Variants in ZC3HC1 observed in about 807,000 individuals in gnomAD.
ZC3HC1 encodes zinc finger C3HC-type protein 1.
ZC3HC1 carries 38 observed loss-of-function variants against 61.9 expected under a neutral mutation model. The observed-to-expected ratio is 0.61, with a 90% CI of 0.47 to 0.81. The LOEUF (loss-of-function observed/expected upper bound fraction) is 0.81, where lower values mean the gene tolerates loss of function less well. ZC3HC1 is among the 30% of genes least tolerant of loss of function. The pLI, the probability that ZC3HC1 is intolerant of heterozygous loss-of-function variation, is 0.00. For synonymous variants in ZC3HC1, 213 were observed against 229.9 expected, an observed-to-expected ratio of 0.93 and a Z score of 0.67; for missense variants, 554 against 622.7, an observed-to-expected ratio of 0.89 and a Z score of 1.17.
Position 130,049,106 on chromosome 7 carries a change from G to A in ZC3HC1, c.185C>T (p.Ser62Leu). The A allele has an allele frequency of 6.2e-7, 1 of 1,607,150 alleles. No homozygotes were observed. The highest frequency in any genetic ancestry group is 8.5e-7 in the Non-Finnish European group (1 of 1,177,024). ...TSATSQSVNGSPQAEQPSLES... is the reference protein window; with the variant it reads ...TSATSQSVNGLPQAEQPSLES... Reference sequence around the variant, plus strand: ...CAATGAAGGTTGTTCCGCTTGGGGTGATCCATTAACTGACTGGGATGTGGC... The same window carrying A: ...CAATGAAGGTTGTTCCGCTTGGGGTAATCCATTAACTGACTGGGATGTGGC... The change falls in exon 2 of 10, where the codon TCA (serine) becomes TTA (leucine). Residue 62 changes from serine to leucine, a missense_variant. Coordinates refer to ENST00000358303, the MANE Select transcript of ZC3HC1 (RefSeq NM_016478.5).
At chr7:130,025,821 C>T (rs972778555) in intron 6 of ZC3HC1, among the ~76,000 whole-genome samples, 1 of 136,888 alleles carries the variant, frequency 7.3e-6, no homozygotes, top group African/African-American at 2.7e-5. Context: ...GAGCTGAGAT[C>T]GCGCACGCCA....
chr7:130,038,879 A>AC (rs1794533664), intron 4 of ZC3HC1, among the ~76,000 whole-genome samples: 1 of 149,814 alleles, frequency 6.7e-6, no homozygotes, highest in East Asian at 2.0e-4. Context: ...AAAAAAAAAA[A>AC]CCAAAAGAAC....
chr7:130,038,859 CAAAA>C (rs368582060), intron 4 of ZC3HC1, among the ~76,000 whole-genome samples: 2 of 86,570 alleles, frequency 2.3e-5, no homozygotes. Context: ...GGCTCTGTCT[CAAAA>C]AAAAAAAAAA....
chr7:130,050,536 A>T, intron 1 of ZC3HC1: 1 of 1,422,692 alleles, frequency 7.0e-7, no homozygotes, highest in Non-Finnish European at 9.2e-7. Context: ...ATGGGTAAAA[A>T]TGACATTTAT....
chr7:130,034,481 T>G (rs1476609910), intron 4 of ZC3HC1, among the ~76,000 whole-genome samples: 1 of 55,048 alleles, frequency 1.8e-5, no homozygotes, highest in Non-Finnish European at 2.9e-5. Context: ...CGAGACTCCG[T>G]CTCAAAAAAA....
intron 5 of ZC3HC1, chr7:130,026,985 A>T (rs1201743954): frequency 6.6e-6 from 1 of 151,222 alleles, no homozygotes; most frequent in African/African-American, 2.4e-5. Context: ...AAAAAAAAAA[A>T]AAAAATTAAA....
intron 9 of ZC3HC1, among the ~76,000 whole-genome samples, chr7:130,021,026 T>C (rs959849219): frequency 3.9e-5 from 6 of 151,922 alleles, no homozygotes; most frequent in African/African-American, 1.4e-4. Context: ...GCCTCCCCAA[T>C]AGCTGGGATT....
Position 130,037,168 on chromosome 7 carries a change from C to T in ZC3HC1, c.493+2296G>A, listed in dbSNP as rs145024827. On this transcript the variant is annotated intron_variant, in intron 4 of 9. Transcript: ENST00000358303. ...CCTTAAAAACTTGGACGGCCAGGCG[C>T]GGGGGCTCACGCCTACAGGCCTCCC... 1.9e-3 allele frequency among the ~76,000 whole-genome samples: 293 copies of T among 152,310 alleles called. 2 individuals are homozygous for T. The highest frequency in any genetic ancestry group is 6.6e-3 in the African/African-American group (275 of 41,586).
intron 4 of ZC3HC1, among the ~76,000 whole-genome samples, chr7:130,034,672 A>AT (rs554099078): frequency 5.9e-5 from 9 of 151,528 alleles, no homozygotes; most frequent in Admixed American, 3.3e-4. Context: ...ATTTTAAAAA[A>AT]TTTTTTCTTT....
At chr7:130,021,211 AT>A (rs1393495584) in intron 9 of ZC3HC1, among the ~76,000 whole-genome samples, 1 of 152,044 alleles carries the variant, frequency 6.6e-6, no homozygotes, top group East Asian at 1.9e-4. Context: ...CAGCCATGCA[AT>A]TTTGGACTTT....
intron 4 of ZC3HC1, among the ~76,000 whole-genome samples, chr7:130,029,329 C>G (rs375242993): frequency 6.4e-4 from 97 of 152,046 alleles, no homozygotes; most frequent in Admixed American, 4.1e-3. Context: ...AGGCTGAGAT[C>G]GTGCCACTGT....
chr7:130,024,114 C>A, intron 7 of ZC3HC1, 149 bp downstream of exon 7: 1 of 1,189,200 alleles, frequency 8.4e-7, no homozygotes, highest in East Asian at 2.4e-5. Flanking sequence ...TTAGCTTCCC[C>A]ATTAGTGAAC....
In ZC3HC1 at chr7:130,041,055, C is replaced by A; in HGVS notation, c.305G>T (p.Cys102Phe). The A allele has an allele frequency of 6.2e-7, 1 of 1,614,010 alleles. No homozygotes were observed. The highest frequency in any genetic ancestry group is 8.5e-7 in the Non-Finnish European group (1 of 1,180,006). The part of the protein sequence containing the change: ...GKPFELSPLV[C>F]AKYGWVTVEC... ...CACTGTGACCCAGCCATATTTTGCA[C>A]AGACGAGTGGAGACAGCTCAAAGGG... The change falls in exon 3 of 10, where the codon TGT becomes TTT. Residue 102 changes from cysteine (C) to phenylalanine (F), a missense_variant. Transcript: ENST00000358303.
intron 5 of ZC3HC1, chr7:130,027,323 G>C (rs192137745): frequency 6.6e-6 from 1 of 152,102 alleles, no homozygotes; most frequent in East Asian, 1.9e-4. Flanking sequence ...ATCTCATCTC[G>C]GAAGCTAAGC....
chr7:130,035,083 G>A (rs1202337953), intron 4 of ZC3HC1, among the ~76,000 whole-genome samples: 2 of 151,952 alleles, frequency 1.3e-5, no homozygotes, highest in East Asian at 3.9e-4. Context: ...ACCCACTGTT[G>A]CTGGTCTTTC....
At chr7:130,022,928 A>C (rs756310371) in intron 8 of ZC3HC1, 1 of 257,628 alleles carries the variant, frequency 3.9e-6, no homozygotes, top group Non-Finnish European at 7.5e-6. Context: ...CCTACTGTGA[A>C]CTGCACATGA....
intron 2 of ZC3HC1, 66 bp downstream of exon 2, chr7:130,048,967 G>T: frequency 1.6e-6 from 2 of 1,276,956 alleles, no homozygotes; most frequent in Non-Finnish European, 1.1e-6. Context: ...AGTAAGTGGT[G>T]TAATACCTTG....
Position 130,024,578 on chromosome 7 carries a change from A to T in ZC3HC1, c.777-72T>A, listed in dbSNP as rs146009195. 9.3e-5 allele frequency: 141 copies of T among 1,509,264 alleles called. No individual in the cohort carries two copies. In the East Asian group the frequency reaches 3.2e-3, roughly 34 times the overall value. The allele number at this position is 1,509,264 out of a possible 1,614,324, so 93.5% of individuals were successfully genotyped here. A position where few individuals can be genotyped will look rare whatever the true frequency, so the allele number is the denominator to read the frequency against. On this transcript the variant is annotated intron_variant, in intron 6 of 9. Coordinates refer to ENST00000358303, the MANE Select transcript of ZC3HC1 (RefSeq NM_016478.5). ...AAATGACTAAGTGCAATGTCTTGTG[A>T]GTATGCCTTATCTCATCCAATTTCT...
At chr7:130,039,367 AAAAG>A (rs1794557032) in intron 4 of ZC3HC1, 93 bp downstream of exon 4, 3 of 1,038,120 alleles carry the variant, frequency 2.9e-6, no homozygotes, top group Non-Finnish European at 1.4e-6. Flanking sequence ...GAAAAGGAGA[AAAAG>A]AAAGTTCAAA....
Sources: allele counts gnomAD v4.1 joint callset (sites outside exome capture counted in the v4.1 genomes callset), GRCh38; gene constraint gnomAD v4.1.1; transcripts MANE v1.5; gene names NCBI Gene and HGNC (gene_info 2026-07-23, HGNC 2026-07-21).